Variants in RPA2 observed in about 807,000 individuals in gnomAD.
RPA2 encodes the protein replication protein A2, also known as replication protein A 32 kDa subunit.
In RPA2, 22 loss-of-function variants were observed where a neutral mutation model predicts 33.4. The observed-to-expected ratio is 0.66, with a 90% confidence interval of 0.47 to 0.94. The LOEUF is 0.94. Among genes scored for constraint, RPA2 ranks in the 40% least tolerant of loss-of-function variants. RPA2 has a pLI of 0.00. For missense variants in RPA2, 279 were observed against 329.9 expected, an observed-to-expected ratio of 0.85 and a Z score of 1.19; for synonymous variants, 109 against 114.9, an observed-to-expected ratio of 0.95 and a Z score of 0.33.
chr1:27,898,816 CAA>C (rs1459350375), intron 4 of RPA2, among the ~76,000 whole-genome samples: 1 of 152,132 alleles, frequency 6.6e-6, no homozygotes, highest in Non-Finnish European at 1.5e-5. Flanking sequence ...CGCGGCCTCC[CAA>C]AGTGCTGGGA....
intron 2 of RPA2, among the ~76,000 whole-genome samples, chr1:27,911,749 T>C (rs1417391716): frequency 6.6e-6 from 1 of 152,178 alleles, no homozygotes; most frequent in Non-Finnish European, 1.5e-5. Flanking sequence ...GTTAGTATGC[T>C]GGAATAAACA....
chr1:27,901,291 C>G (rs112297464), intron 4 of RPA2, among the ~76,000 whole-genome samples: 160 of 152,252 alleles, frequency 1.1e-3, no homozygotes, highest in Middle Eastern at 3.4e-3. Context: ...AGAATGTCCA[C>G]TAGCAAAAAC....
intron 4 of RPA2, among the ~76,000 whole-genome samples, chr1:27,905,451 G>A (rs901858982): frequency 1.3e-5 from 2 of 151,332 alleles, no homozygotes; most frequent in African/African-American, 2.4e-5. Context: ...GCAGAACCAC[G>A]CCCGGCTAAT....
chr1:27,914,675 G>T (rs1256237166), upstream of RPA2: 5 of 1,612,866 alleles, frequency 3.1e-6, no homozygotes, highest in African/African-American at 5.3e-5. Context: ...CAGAAAACGC[G>T]TACTGCGCTC....
At chr1:27,911,008 G>A (rs537581449) in intron 2 of RPA2, among the ~76,000 whole-genome samples, 1 of 152,078 alleles carries the variant, frequency 6.6e-6, no homozygotes. Flanking sequence ...CTGACGTCAG[G>A]AGTTTGAGAC....
intron 2 of RPA2, 93 bp from the exon 3 acceptor site, chr1:27,907,375 G>GAATTTCAAAACAAATCAAAACAAATTCAA (rs1553127987): frequency 1.0e-6 from 1 of 993,136 alleles, no homozygotes; most frequent in African/African-American, 1.6e-5. Context: ...AAATATATTA[G>GAATTTCAAAACAAATCAAAACAAATTCAA]AACATTGAAT....
chr1:27,899,165 G>C, intron 4 of RPA2, among the ~76,000 whole-genome samples: 1 of 152,168 alleles, frequency 6.6e-6, no homozygotes, highest in East Asian at 1.9e-4. Context: ...TTGAGGTTAG[G>C]AGTTCGAGAC....
Position 27,907,003 on chromosome 1 carries a change from A to G in RPA2, c.258T>C (p.Ala86=), listed in dbSNP as rs1409717387. 6.2e-7 allele frequency: 1 copy of G among 1,613,722 alleles called. No individual in the cohort carries two copies. The highest frequency in any genetic ancestry group is 1.1e-5 in the South Asian group (1 of 91,040). The change falls in exon 4 of 9, where the codon GCT becomes GCC. Residue 86 remains alanine, a synonymous_variant. Transcript: ENST00000373912. ...CTATTTTGTAAACAATGTTGGTTGG[A>G]GCCTTCTCTGCATGTCTGATGATCC... ...IVGIIRHAEK[A]PTNIVYKIDD...
chr1:27,909,247 A>G (rs1330427645), intron 2 of RPA2, among the ~76,000 whole-genome samples: 9 of 152,228 alleles, frequency 5.9e-5, no homozygotes, highest in Non-Finnish European at 1.2e-4. Flanking sequence ...TGGATTTAGC[A>G]GTCGCAACTC....
At chr1:27,900,309 A>C (rs1344433389) in intron 4 of RPA2, among the ~76,000 whole-genome samples, 1 of 151,702 alleles carries the variant, frequency 6.6e-6, no homozygotes, top group African/African-American at 2.4e-5. Context: ...ACGGGGTTTT[A>C]CCTTATTGGC....
intron 4 of RPA2, among the ~76,000 whole-genome samples, chr1:27,899,795 CTCAGCCTCCCTAGTAGCTGGGACT>C (rs1329794946): frequency 1.3e-5 from 2 of 152,080 alleles, no homozygotes. Flanking sequence ...ATTCTCCTGC[CTCAGCCTCCCTAGTAGCTGGGACT>C]ACAGGCGCCC....
In RPA2 at chr1:27,914,049, T is replaced by G; in HGVS notation, c.117+14A>C. The G allele has an allele frequency of 6.4e-7, 1 of 1,561,000 alleles. No homozygotes were observed. The highest frequency in any genetic ancestry group is 8.7e-7 in the Non-Finnish European group (1 of 1,153,968). On this transcript the variant is annotated intron_variant, in intron 2 of 8. Coordinates refer to ENST00000373912, the MANE Select transcript of RPA2 (RefSeq NM_002946.5). Reference sequence around the variant, plus strand: ...GACAGGATAAAACAAAACTAAATACTCCTTTCAACCTACTGATTTCTTTTC... The same window carrying G: ...GACAGGATAAAACAAAACTAAATACGCCTTTCAACCTACTGATTTCTTTTC...
intron 2 of RPA2, among the ~76,000 whole-genome samples, chr1:27,909,119 A>C (rs539775970): frequency 2.6e-5 from 4 of 152,272 alleles, no homozygotes; most frequent in African/African-American, 9.6e-5. Context: ...AGTCTCCTAG[A>C]GGGAATATGT....
chr1:27,898,615 G>A (rs1429575736), intron 4 of RPA2, among the ~76,000 whole-genome samples: 1 of 150,118 alleles, frequency 6.7e-6, no homozygotes, highest in Non-Finnish European at 1.5e-5. Context: ...GCATGATCTC[G>A]GCTCATTGCA....
intron 6 of RPA2, among the ~76,000 whole-genome samples, chr1:27,896,707 A>G (rs1212057953): frequency 6.6e-6 from 1 of 151,786 alleles, no homozygotes; most frequent in African/African-American, 2.4e-5. Context: ...ACAATCCTGG[A>G]GCTAAGAGCT....
intron 4 of RPA2, 34 bp downstream of exon 4, chr1:27,906,894 G>A: frequency 4.1e-6 from 6 of 1,468,286 alleles, no homozygotes; most frequent in Non-Finnish European, 5.7e-6. Context: ...CAGTTCCAAA[G>A]TAACCCCATC....
At chr1:27,896,139 T>G (rs1312974016) in intron 6 of RPA2, among the ~76,000 whole-genome samples, 1 of 152,208 alleles carries the variant, frequency 6.6e-6, no homozygotes, top group Non-Finnish European at 1.5e-5. Flanking sequence ...TATACTCGAA[T>G]GCCGACTAGA....
At chr1:27,908,408 A>G (rs954723145) in intron 2 of RPA2, among the ~76,000 whole-genome samples, 1 of 151,916 alleles carries the variant, frequency 6.6e-6, no homozygotes, top group African/African-American at 2.4e-5. Flanking sequence ...GATGACACAC[A>G]TAAACCACTG....
intron 2 of RPA2, among the ~76,000 whole-genome samples, chr1:27,907,495 C>A (rs1353852177): frequency 6.6e-6 from 1 of 152,170 alleles, no homozygotes; most frequent in African/African-American, 2.4e-5. Context: ...AACTCCAGAG[C>A]TCCTGCTGAA....
Sources: gnomAD v4.1 joint callset for allele counts (sites outside exome capture counted in the v4.1 genomes callset) on GRCh38, gnomAD v4.1.1 for gene constraint, MANE v1.5 for transcripts, NCBI Gene and HGNC (gene_info 2026-07-23, HGNC 2026-07-21) for gene names.